Variants in LMOD3 observed in about 807,000 individuals in gnomAD.
LMOD3 encodes the protein leiomodin-3.
A neutral mutation model predicts 41.8 loss-of-function variants in LMOD3; 31 were observed. That is an observed-to-expected ratio of 0.74 (90% CI 0.56 to 1.00). The LOEUF (loss-of-function observed/expected upper bound fraction) is 1.00. Ranked by LOEUF, LMOD3 falls within the 50% of genes least tolerant of loss-of-function variation. The pLI, the probability that LMOD3 is intolerant of heterozygous loss-of-function variation, is 0.00. For missense variants in LMOD3, 755 were observed against 679.5 expected (o/e 1.11, Z -1.23); for synonymous variants, 292 against 241.9 (o/e 1.21, Z -1.92).
chr3:69,122,250 G>A lies in LMOD3; in HGVS notation c.137C>T (p.Pro46Leu), dbSNP rs1323475309. Residue 46 changes from proline to leucine, a missense_variant, in exon 1 of 3, where the codon CCC (proline) becomes CTC (leucine). Pro to Leu is a moderately conservative substitution (Grantham distance 98). Transcript: ENST00000420581. ...CTGAATCATTCCCACGGGAAGGCTG[G>A]GGTCAGGGGCCATGACTTCCATTTC... ...QSEMEVMAPD[P>L]SLPVGMIQKD... 6.2e-7 allele frequency: 1 copy of A among 1,613,598 alleles called. No individual in the cohort carries two copies.
chr3:69,117,602 C>A (rs1206683471), intron 2 of LMOD3, among the ~76,000 whole-genome samples: 1 of 152,136 alleles, frequency 6.6e-6, no homozygotes, highest in Non-Finnish European at 1.5e-5. Flanking sequence ...CGGAAAATAA[C>A]TTTTCCACTC....
intron 1 of LMOD3, among the ~76,000 whole-genome samples, chr3:69,121,223 G>A (rs548116522): frequency 1.3e-5 from 2 of 152,286 alleles, no homozygotes; most frequent in African/African-American, 2.4e-5. Flanking sequence ...ATTGTACCTT[G>A]AACTCTAACC....
chr3:69,110,370 C>G (rs1289594230), intron 2 of LMOD3, among the ~76,000 whole-genome samples: 1 of 151,796 alleles, frequency 6.6e-6, no homozygotes, highest in Non-Finnish European at 1.5e-5. Flanking sequence ...GCTGGGACTA[C>G]AGGTGCATGC....
intron 2 of LMOD3, among the ~76,000 whole-genome samples, chr3:69,110,853 A>AAATAT (rs1458630453): frequency 4.8e-5 from 5 of 104,158 alleles, no homozygotes; most frequent in African/African-American, 1.4e-4. Context: ...AAAAAAAAAA[A>AAATAT]ATATATATAT....
At chr3:69,111,839 A>G (rs2092351680) in intron 2 of LMOD3, among the ~76,000 whole-genome samples, 1 of 152,254 alleles carries the variant, frequency 6.6e-6, no homozygotes, top group Non-Finnish European at 1.5e-5. Flanking sequence ...AGTTCAGATC[A>G]CTGGGGAAAA....
chr3:69,111,458 G>T (rs2092349951), intron 2 of LMOD3, among the ~76,000 whole-genome samples: 1 of 152,174 alleles, frequency 6.6e-6, no homozygotes, highest in African/African-American at 2.4e-5. Context: ...GCAATAAATA[G>T]TTAAAACACT....
intron 2 of LMOD3, among the ~76,000 whole-genome samples, chr3:69,115,162 C>G (rs1004247063): frequency 6.6e-6 from 1 of 152,096 alleles, no homozygotes; most frequent in African/African-American, 2.4e-5. Flanking sequence ...TATGAACCAC[C>G]GCTCCCAGCC....
chr3:69,110,885 A>T (rs2107521173), intron 2 of LMOD3, among the ~76,000 whole-genome samples: 1 of 141,724 alleles, frequency 7.1e-6, no homozygotes, highest in East Asian at 2.3e-4. Flanking sequence ...TATTTAAAGC[A>T]TCCCCCAAGA....
At position 69,107,224 on chromosome 3, in the gene LMOD3, T is replaced by G. The variant is rs1404384202; in HGVS notation, c.*1871A>C. ...TCAGCCATTGAAAACTATATTTAAA[T>G]TTGGATACTTTTGTACATACTAAAT... On this transcript the variant is annotated 3_prime_UTR_variant, in exon 3 of 3. Coordinates refer to ENST00000420581, the MANE Select transcript of LMOD3 (RefSeq NM_198271.5). 6.6e-6 allele frequency: 1 copy of G among 151,986 alleles called. No individual in the cohort carries two copies. The highest frequency in any genetic ancestry group is 1.5e-5 in the Non-Finnish European group (1 of 68,002). 9.4% of individuals were successfully genotyped at this position (151,986 alleles called of 1,614,324 possible).
chr3:69,120,460 T>C (rs1211976253), intron 1 of LMOD3, among the ~76,000 whole-genome samples: 1 of 151,494 alleles, frequency 6.6e-6, no homozygotes, highest in East Asian at 1.9e-4. Context: ...TGTGATACTA[T>C]AAATATATTA....
chr3:69,110,278 G>A (rs2092342284), intron 2 of LMOD3, among the ~76,000 whole-genome samples: 1 of 151,828 alleles, frequency 6.6e-6, no homozygotes, highest in African/African-American at 2.4e-5. Flanking sequence ...CACCCAGGCT[G>A]GAGTGGAGTG....
At chr3:69,118,197 C>G (rs1446344212) in intron 2 of LMOD3, among the ~76,000 whole-genome samples, 1 of 152,052 alleles carries the variant, frequency 6.6e-6, no homozygotes, top group African/African-American at 2.4e-5. Context: ...TCCATTGTGG[C>G]TGGAATGGTG....
At position 69,107,457 on chromosome 3, in the gene LMOD3, T is replaced by C. The variant is rs909811978; in HGVS notation, c.*1638A>G. On this transcript the variant is annotated 3_prime_UTR_variant, in exon 3 of 3. Transcript: ENST00000420581. ...AAGAGAGAAAAGGCACCAAAGGTTT[T>C]TTTTTTTTTTTTTTTTTTTTTTTTT... 6.5e-4 allele frequency: 46 copies of C among 70,912 alleles called. No individual in the cohort carries two copies. Among genetic ancestry groups the C allele is most frequent in the African/African-American group, 4.0e-3 (46 of 11,370 alleles). 4.4% of individuals were successfully genotyped at this position (70,912 alleles called of 1,614,324 possible). A position where few individuals can be genotyped will look rare whatever the true frequency, so the allele number is the denominator to read the frequency against.
At position 69,122,429 on chromosome 3, in the gene LMOD3, A is replaced by C. The variant is rs745595774; in HGVS notation, c.-43T>G. ...ATTTTACTAGAAAAGAAGAATAATC[A>C]AAGATGATTTTTAAAAAGAAGGAAA... On this transcript the variant is annotated 5_prime_UTR_variant, in exon 1 of 3. Coordinates refer to ENST00000420581, the MANE Select transcript of LMOD3 (RefSeq NM_198271.5). The C allele has an allele frequency of 7.2e-7, 1 of 1,386,324 alleles. No individual in the cohort carries two copies. Among genetic ancestry groups the C allele is most frequent in the East Asian group, 2.5e-5 (1 of 39,880 alleles). 85.9% of individuals were successfully genotyped at this position (1,386,324 alleles called of 1,614,324 possible).
intron 2 of LMOD3, among the ~76,000 whole-genome samples, chr3:69,113,213 C>A (rs1459586881): frequency 6.6e-6 from 1 of 152,118 alleles, no homozygotes; most frequent in Non-Finnish European, 1.5e-5. Context: ...AGACAGAAAA[C>A]TGGGAACCAG....
chr3:69,109,370 G>C (rs943204005), intron 2 of LMOD3, among the ~76,000 whole-genome samples: 1 of 152,098 alleles, frequency 6.6e-6, no homozygotes, highest in African/African-American at 2.4e-5. Context: ...GGAAATAAGA[G>C]GGCGGGTGCC....
chr3:69,117,931 A>G (rs1401079149), intron 2 of LMOD3, among the ~76,000 whole-genome samples: 3 of 151,574 alleles, frequency 2.0e-5, no homozygotes, highest in African/African-American at 7.3e-5. Flanking sequence ...TCCCAAGTTC[A>G]AGTGACTCTC....
chr3:69,109,813 G>T (rs920502136), intron 2 of LMOD3, among the ~76,000 whole-genome samples: 13 of 152,032 alleles, frequency 8.6e-5, no homozygotes, highest in African/African-American at 3.1e-4. Flanking sequence ...ACAGGCATGA[G>T]CACCCGGCCT....
At chr3:69,121,547 T>G (rs1391754655) in intron 1 of LMOD3, among the ~76,000 whole-genome samples, 3 of 152,224 alleles carry the variant, frequency 2.0e-5, no homozygotes, top group Admixed American at 2.0e-4. Context: ...TAGCCATCGA[T>G]TTCTAAATGT....
Sources: gnomAD v4.1 joint callset for allele counts (sites outside exome capture counted in the v4.1 genomes callset) on GRCh38, gnomAD v4.1.1 for gene constraint, MANE v1.5 for transcripts, NCBI Gene and HGNC (gene_info 2026-07-23, HGNC 2026-07-21) for gene names.